Variants in WAPL observed in about 807,000 individuals in gnomAD.
WAPL encodes WAPL cohesin release factor, also known as wings apart-like protein homolog.
WAPL carries 5 observed loss-of-function variants against 121.0 expected under a neutral mutation model. The observed-to-expected ratio is 0.04, with a 90% CI of 0.02 to 0.09. The LOEUF (loss-of-function observed/expected upper bound fraction) is 0.09, where lower values mean the gene tolerates loss of function less well. WAPL is among the 10% of genes least tolerant of loss of function. WAPL has a pLI of 1.00. For missense variants in WAPL, 999 were observed against 1,410.8 expected (o/e 0.71, Z 4.68); for synonymous variants, 480 against 481.5 (o/e 1.00, Z 0.04).
chr10:86,518,205 A>C (rs559820089), intron 1 of WAPL, 114 bp from the exon 2 acceptor site: 1 of 1,015,048 alleles, frequency 9.9e-7, no homozygotes, highest in South Asian at 1.8e-5. Flanking sequence ...CTCACCACAC[A>C]GACTTTTAAA....
intron 4 of WAPL, among the ~76,000 whole-genome samples, chr10:86,483,645 A>C (rs983527379): frequency 6.6e-6 from 1 of 151,992 alleles, no homozygotes; most frequent in African/African-American, 2.4e-5. Flanking sequence ...ATAGGAGATG[A>C]CAGCTCCACG....
chr10:86,447,110 G>A (rs942607364), intron 15 of WAPL, among the ~76,000 whole-genome samples: 3 of 152,206 alleles, frequency 2.0e-5, no homozygotes, highest in Non-Finnish European at 4.4e-5. Context: ...CTACTAAGGG[G>A]TCTGCTGACT....
intron 2 of WAPL, among the ~76,000 whole-genome samples, chr10:86,516,536 G>A (rs1208007120): frequency 6.6e-6 from 1 of 151,966 alleles, no homozygotes; most frequent in Admixed American, 6.6e-5. Context: ...CAAGAACTAA[G>A]GTTTCTTTTC....
chr10:86,503,490 T>C (rs1052131770), intron 2 of WAPL, among the ~76,000 whole-genome samples: 2 of 151,546 alleles, frequency 1.3e-5, no homozygotes, highest in African/African-American at 4.9e-5. Context: ...TGGTGGCTCA[T>C]GCCTGTAATC....
Position 86,500,338 on chromosome 10 carries a change from G to A in WAPL, c.905C>T (p.Thr302Met), listed in dbSNP as rs1265009159. 8 of 1,614,044 alleles carry A rather than the reference G, an allele frequency of 5.0e-6. No homozygotes were observed. Among genetic ancestry groups the A allele is most frequent in the African/African-American group, 4.0e-5 (3 of 74,922 alleles). Reference sequence around the variant, plus strand: ...ATTTGATGCTCCTTGGGAGGATTTCGTTTTATTGGCCCTACAGTACGTCCT... The same window carrying A: ...ATTTGATGCTCCTTGGGAGGATTTCATTTTATTGGCCCTACAGTACGTCCT... ...NCRTYCRANK[T>M]KSSQGASNFD... The change falls in exon 3 of 19, where the codon ACG (threonine) becomes ATG (methionine). Residue 302 changes from threonine (T) to methionine (M), a missense_variant. Thr to Met is a moderately conservative substitution (Grantham distance 81, BLOSUM62 -1). This residue lies in a region of WAPL where 531 missense variants were observed against 563.1 expected (regional missense o/e 0.94). Coordinates refer to ENST00000298767, the MANE Select transcript of WAPL (RefSeq NM_015045.5).
chr10:86,438,292 T>C (rs1849376260), intron 17 of WAPL, among the ~76,000 whole-genome samples: 1 of 151,972 alleles, frequency 6.6e-6, no homozygotes, highest in South Asian at 2.1e-4. Flanking sequence ...GTCACTCTGT[T>C]ACCCAGGCTG....
At chr10:86,445,815 C>T (rs778973450) in intron 16 of WAPL, among the ~76,000 whole-genome samples, 1 of 152,106 alleles carries the variant, frequency 6.6e-6, no homozygotes, top group Non-Finnish European at 1.5e-5. Flanking sequence ...CACCAGCCTA[C>T]AGTATATTTC....
chr10:86,435,315 CT>C lies in WAPL; in HGVS notation c.*2227del, dbSNP rs1259701395. On this transcript the variant is annotated 3_prime_UTR_variant, in exon 19 of 19. Transcript: ENST00000298767. ...TTATTTACAAAAACCCAAAGACATACTTCATGAAACTGGTACAAACTATTTT... is the reference window on the plus strand; with the variant it reads ...TTATTTACAAAAACCCAAAGACATACTCATGAAACTGGTACAAACTATTTT... The C allele has an allele frequency of 6.6e-6, 1 of 152,594 alleles. No individual in the cohort carries two copies. Among genetic ancestry groups the C allele is most frequent in the Non-Finnish European group, 1.5e-5 (1 of 68,030 alleles). The allele number at this position is 152,594 out of a possible 1,614,324, so 9.5% of individuals were successfully genotyped here. A position where few individuals can be genotyped will look rare whatever the true frequency, so the allele number is the denominator to read the frequency against.
intron 4 of WAPL, among the ~76,000 whole-genome samples, chr10:86,495,495 C>T (rs916046193): frequency 6.6e-6 from 1 of 151,472 alleles, no homozygotes; most frequent in Non-Finnish European, 1.5e-5. Context: ...TAAAGTTGGC[C>T]CTAACCTTAC....
At chr10:86,519,365 C>G (rs1842625776) in intron 1 of WAPL, among the ~76,000 whole-genome samples, 1 of 152,054 alleles carries the variant, frequency 6.6e-6, no homozygotes, top group Admixed American at 6.6e-5. Context: ...TTGAAAGCTA[C>G]AAGAATTGAA....
In WAPL at chr10:86,500,505, G is replaced by T; in HGVS notation, c.738C>A (p.Ile246=). The change falls in exon 3 of 19, where the codon ATC becomes ATA. Residue 246 remains isoleucine (I), a synonymous_variant. Transcript: ENST00000298767. The part of the protein sequence containing the change: ...LFEWDNDFED[I]RSEDCILSLD... Reference sequence around the variant, plus strand: ...AACTTAAAATACAGTCTTCTGATCTGATATCTTCAAAATCATTATCCCATT... The same window carrying T: ...AACTTAAAATACAGTCTTCTGATCTTATATCTTCAAAATCATTATCCCATT... The T allele has an allele frequency of 2.5e-6, 4 of 1,614,114 alleles. No homozygotes were observed. The South Asian group carries it at 4.4e-5, about 18-fold the overall frequency.
At chr10:86,506,802 A>G (rs1842360144) in intron 2 of WAPL, among the ~76,000 whole-genome samples, 1 of 151,890 alleles carries the variant, frequency 6.6e-6, no homozygotes, top group African/African-American at 2.4e-5. Context: ...AAAAAAATTA[A>G]AAGGACACCT....
chr10:86,514,454 T>G (rs1842519507), intron 2 of WAPL, among the ~76,000 whole-genome samples: 1 of 152,204 alleles, frequency 6.6e-6, no homozygotes, highest in Admixed American at 6.5e-5. Context: ...ATATTCATAG[T>G]GCTACACCAT....
At chr10:86,506,431 A>C (rs544559045) in intron 2 of WAPL, among the ~76,000 whole-genome samples, 2 of 152,222 alleles carry the variant, frequency 1.3e-5, no homozygotes, top group Non-Finnish European at 2.9e-5. Flanking sequence ...TACAATTTAA[A>C]AAAGTTAAAA....
intron 15 of WAPL, among the ~76,000 whole-genome samples, chr10:86,448,335 C>T (rs965792056): frequency 4.6e-5 from 7 of 152,000 alleles, no homozygotes; most frequent in Non-Finnish European, 1.0e-4. Context: ...CCTGTAGTTC[C>T]ACCTACTTGG....
intron 12 of WAPL, among the ~76,000 whole-genome samples, chr10:86,457,409 T>C (rs935812289): frequency 9.9e-5 from 15 of 150,988 alleles, no homozygotes; most frequent in Non-Finnish European, 4.4e-5. Flanking sequence ...TCCCAACACT[T>C]TGGGAGGCCA....
At chr10:86,440,718 C>T (rs1849447505) in intron 17 of WAPL, among the ~76,000 whole-genome samples, 1 of 152,030 alleles carries the variant, frequency 6.6e-6, no homozygotes, top group African/African-American at 2.4e-5. Context: ...TCTTGCGGGG[C>T]CTCCAGAGCC....
chr10:86,482,570 C>T (rs1404339100), intron 4 of WAPL, among the ~76,000 whole-genome samples: 2 of 152,146 alleles, frequency 1.3e-5, no homozygotes, highest in Non-Finnish European at 2.9e-5. Context: ...GAGCCTACAG[C>T]TGACCAGGTA....
rs7094132 is a variant in WAPL at position 86,443,311 on chromosome 10, T to C, written c.3375A>G (p.Thr1125=). ...GGCAGAGACACCCAAGAAGTAGTGCTGTGTAGGAGGCCACAATGCAATCCT... is the reference window on the plus strand; with the variant it reads ...GGCAGAGACACCCAAGAAGTAGTGCCGTGTAGGAGGCCACAATGCAATCCT... The part of the protein sequence containing the change: ...HMEDCIVASY[T]ALLLGCLCQE... The change falls in exon 17 of 19, where the codon ACA becomes ACG. Residue 1125 remains threonine, a synonymous_variant. Coordinates refer to ENST00000298767, the MANE Select transcript of WAPL (RefSeq NM_015045.5). The C allele has an allele frequency of 0.9, 1,457,891 of 1,613,602 alleles. 662,049 individuals carry two copies. Among genetic ancestry groups the C allele is most frequent in the Non-Finnish European group, 0.92 (1,090,790 of 1,179,786 alleles).
Sources: allele counts gnomAD v4.1 joint callset (sites outside exome capture counted in the v4.1 genomes callset), GRCh38; gene constraint gnomAD v4.1.1; regional missense constraint gnomAD v4.1.1; transcripts MANE v1.5; gene names NCBI Gene and HGNC (gene_info 2026-07-23, HGNC 2026-07-21).